STK3: variants seen among roughly 807,000 people sequenced by gnomAD.
STK3 encodes the protein serine/threonine kinase 3, also known as serine/threonine-protein kinase 3.
Under a neutral mutation model 58.0 loss-of-function variants are expected in STK3, and 41 were observed. The observed-to-expected ratio is 0.71, with a 90% CI of 0.55 to 0.92. The LOEUF (loss-of-function observed/expected upper bound fraction) is 0.92. STK3 is among the 40% of genes least tolerant of loss of function. The pLI is 0.00. For missense variants in STK3, 479 were observed against 602.7 expected, an observed-to-expected ratio of 0.79 and a Z score of 2.15; for synonymous variants, 170 against 191.0, an observed-to-expected ratio of 0.89 and a Z score of 0.91.
chr8:98,344,334 C>T, the STK3 span, among the ~76,000 whole-genome samples: 1 of 152,164 alleles, frequency 6.6e-6, no homozygotes, highest in African/African-American at 2.4e-5. Context: ...TCCTTGGCTC[C>T]CTGTATCTGC....
chr8:98,563,637 C>A (rs1329383669), intron 8 of STK3, among the ~76,000 whole-genome samples: 2 of 151,890 alleles, frequency 1.3e-5, no homozygotes, highest in African/African-American at 4.8e-5. Flanking sequence ...ACAAGATGAG[C>A]CTAGAATATC....
chr8:98,392,648 G>T (rs941045368), upstream of STK3, among the ~76,000 whole-genome samples: 2 of 152,172 alleles, frequency 1.3e-5, no homozygotes, highest in African/African-American at 2.4e-5. Flanking sequence ...TGGGGTCCAG[G>T]GATCCCTAGA....
At chr8:98,684,979 G>A (rs536660802) in intron 6 of STK3, among the ~76,000 whole-genome samples, 1 of 152,268 alleles carries the variant, frequency 6.6e-6, no homozygotes, top group South Asian at 2.1e-4. Context: ...GTGTGTGTGT[G>A]TCTGTACACA....
intron 7 of STK3, among the ~76,000 whole-genome samples, chr8:98,584,587 G>A: frequency 6.7e-6 from 1 of 148,996 alleles, no homozygotes; most frequent in Non-Finnish European, 1.5e-5. Context: ...ATAGCAGCAT[G>A]ATTTATAGTC....
intron 10 of STK3, among the ~76,000 whole-genome samples, chr8:98,520,531 A>G (rs1331111756): frequency 6.6e-6 from 1 of 152,170 alleles, no homozygotes; most frequent in African/African-American, 2.4e-5. Flanking sequence ...TCAAAAGACA[A>G]TAAAGTGTTC....
intron 10 of STK3, among the ~76,000 whole-genome samples, chr8:98,521,681 C>A (rs868145374): frequency 1.3e-5 from 2 of 152,070 alleles, no homozygotes; most frequent in African/African-American, 4.8e-5. Context: ...TTTTATCTCT[C>A]GTATTTTTCC....
chr8:98,562,737 GAAAAAAAAAAAAAAAA>G (rs778049177), intron 8 of STK3, among the ~76,000 whole-genome samples: 1 of 17,404 alleles, frequency 5.7e-5, no homozygotes, highest in African/African-American at 2.9e-4. Flanking sequence ...CACAAAAAAT[GAAAAAAAAAAAAAAAA>G]AAAAAAAAAA....
intron 3 of STK3, among the ~76,000 whole-genome samples, chr8:98,426,532 G>A (rs939775172): frequency 2.0e-5 from 3 of 151,414 alleles, no homozygotes; most frequent in African/African-American, 4.9e-5. Flanking sequence ...GTACTAAGCC[G>A]ATCTCCACCT....
chr8:98,800,629 T>C lies in STK3; in HGVS notation c.26+24886A>G, dbSNP rs533229040. Among the ~76,000 whole-genome samples the C allele has an allele frequency of 8.6e-3, 1,314 of 152,216 alleles. 10 individuals carry two copies. The highest frequency in any genetic ancestry group is 0.03 in the African/African-American group (1,238 of 41,564). ...GAACCAGGACTGCGCGCAGCACTCA[T>C]GGGCCAGCACGAGTTCCGGGTGGGT... is the stretch of plus-strand genomic sequence containing the variant. On this transcript the variant is annotated intron_variant, in intron 1 of 10. Transcript: ENST00000419617. This position sits in a 1 kb window ranked among gnomAD's most constrained non-coding sequence, Gnocchi z 4.8.
chr8:98,881,073 G>A (rs2131897413), downstream of STK3: 1 of 152,258 alleles, frequency 6.6e-6, no homozygotes, highest in Admixed American at 6.5e-5. Context: ...TTATTATTTA[G>A]TTAATAATAA....
At chr8:98,361,538 C>T in the STK3 span, among the ~76,000 whole-genome samples, 1 of 152,090 alleles carries the variant, frequency 6.6e-6, no homozygotes, top group Non-Finnish European at 1.5e-5. Flanking sequence ...CAGAATAGTG[C>T]CTGACACCTC....
intron 6 of STK3, among the ~76,000 whole-genome samples, chr8:98,596,821 A>T (rs1412823516): frequency 1.3e-5 from 2 of 152,200 alleles, no homozygotes; most frequent in East Asian, 3.9e-4. Flanking sequence ...CTCGCCTCCT[A>T]GATAGTCACC....
At chr8:98,826,598 C>A (rs547907570), upstream of STK3, among the ~76,000 whole-genome samples, 6 of 152,356 alleles carry the variant, frequency 3.9e-5, no homozygotes, top group African/African-American at 1.4e-4. Flanking sequence ...CTGATTCCAG[C>A]AGCCCTCATC....
intron 10 of STK3, among the ~76,000 whole-genome samples, chr8:98,506,040 C>T (rs1824037073): frequency 6.6e-6 from 1 of 152,230 alleles, no homozygotes; most frequent in South Asian, 2.1e-4. Context: ...TGCAGAGCTG[C>T]AGTGGGCTCC....
chr8:98,767,740 T>G (rs780732182), intron 2 of STK3, among the ~76,000 whole-genome samples: 9 of 152,300 alleles, frequency 5.9e-5, no homozygotes, highest in Non-Finnish European at 1.2e-4. Context: ...AAAAGGCTGA[T>G]CTCAAGGAAA....
At chr8:98,921,787 G>A (rs1839574937) in intron 1 of STK3, among the ~76,000 whole-genome samples, 1 of 152,146 alleles carries the variant, frequency 6.6e-6, no homozygotes. Context: ...CACCTCCCGG[G>A]TTCAAGCGAT....
At chr8:98,491,583 A>C (rs7845750) in intron 10 of STK3, among the ~76,000 whole-genome samples, 2 of 151,894 alleles carry the variant, frequency 1.3e-5, no homozygotes, top group African/African-American at 4.8e-5. Flanking sequence ...TGGAATTACA[A>C]GCGTGTGCCA....
intron 1 of STK3, among the ~76,000 whole-genome samples, chr8:98,807,315 G>A (rs1251218208): frequency 6.6e-6 from 1 of 152,036 alleles, no homozygotes; most frequent in South Asian, 2.1e-4. Context: ...GGAGTGCAAT[G>A]GCATGATCTT....
chr8:98,346,936 A>G, the STK3 span, among the ~76,000 whole-genome samples: 1 of 151,852 alleles, frequency 6.6e-6, no homozygotes, highest in Non-Finnish European at 1.5e-5. Context: ...ATGCCTTTAA[A>G]ATATAATTAT....
Sources: gnomAD v4.1 joint callset for allele counts (sites outside exome capture counted in the v4.1 genomes callset) on GRCh38, gnomAD v4.1.1 for gene constraint, Gnocchi (gnomAD v3.1) non-coding constraint, MANE v1.5 for transcripts, NCBI Gene and HGNC (gene_info 2026-07-23, HGNC 2026-07-21) for gene names.